The following RNGTT variants were observed in gnomAD, a reference collection of about 807,000 sequenced individuals.
RNGTT encodes mRNA-capping enzyme.
A neutral mutation model predicts 79.3 loss-of-function variants in RNGTT; 33 were observed. That is an observed-to-expected ratio of 0.42 (90% CI 0.32 to 0.56). The LOEUF is 0.56. Among genes scored for constraint, RNGTT ranks in the 20% least tolerant of loss-of-function variants. The pLI is 0.17. For missense variants in RNGTT, 497 were observed against 739.1 expected (o/e 0.67, Z 3.80); for synonymous variants, 222 against 235.9 (o/e 0.94, Z 0.54).
chr6:88,854,822 G>A (rs762248766), intron 8 of RNGTT, among the ~76,000 whole-genome samples: 25 of 152,158 alleles, frequency 1.6e-4, no homozygotes, highest in Admixed American at 8.5e-4. Context: ...AATCAAGAAT[G>A]GAGTTCTATT....
At chr6:88,725,575 G>T (rs1776865891) in intron 13 of RNGTT, among the ~76,000 whole-genome samples, 1 of 152,274 alleles carries the variant, frequency 6.6e-6, no homozygotes, top group South Asian at 2.1e-4. Context: ...CTCCATTCAG[G>T]AGGGGGTTGA....
intron 8 of RNGTT, among the ~76,000 whole-genome samples, chr6:88,879,476 T>A (rs1013758852): frequency 2.6e-5 from 4 of 152,284 alleles, no homozygotes; most frequent in Non-Finnish European, 5.9e-5. Flanking sequence ...ACACAACAAC[T>A]ATTTCTACAA....
intron 12 of RNGTT, among the ~76,000 whole-genome samples, chr6:88,781,319 C>T (rs956714456): frequency 2.0e-5 from 3 of 152,108 alleles, no homozygotes; most frequent in Non-Finnish European, 2.9e-5. Context: ...TCTATTATTT[C>T]CACTAGTAAA....
At chr6:88,919,247 A>C (rs1464950860) in intron 4 of RNGTT, among the ~76,000 whole-genome samples, 1 of 152,206 alleles carries the variant, frequency 6.6e-6, no homozygotes, top group Non-Finnish European at 1.5e-5. Flanking sequence ...GTGGTAAGTA[A>C]GCCACAGTTT....
At chr6:88,901,945 C>G (rs943814346) in intron 6 of RNGTT, among the ~76,000 whole-genome samples, 6 of 152,072 alleles carry the variant, frequency 3.9e-5, no homozygotes, top group Non-Finnish European at 8.8e-5. Context: ...GGAAAACTAT[C>G]CAAAATGGAA....
intron 14 of RNGTT, among the ~76,000 whole-genome samples, chr6:88,672,268 T>C (rs1418952962): frequency 6.6e-6 from 1 of 150,666 alleles, no homozygotes; most frequent in Non-Finnish European, 1.5e-5. Flanking sequence ...CACACACATA[T>C]ATATAAATGT....
chr6:88,769,941 A>T (rs992668182), intron 12 of RNGTT, 67 bp from the exon 13 acceptor site: 2 of 1,030,418 alleles, frequency 1.9e-6, no homozygotes, highest in Non-Finnish European at 1.4e-6. Flanking sequence ...AATGTATTAA[A>T]CCTAATGTAA....
rs750160602 is a variant in RNGTT, at chr6:88,612,780, A to G, written c.1733T>C (p.Leu578Pro). The G allele has an allele frequency of 9.9e-6, 16 of 1,613,394 alleles. No individual in the cohort carries two copies. In the African/African-American group the frequency reaches 1.7e-4, roughly 18 times the overall value. ...TGGCATGAGCTCCGTGTCAGGGTCC[A>G]GATGATGTTTTCGCTTCTGTCCTTG... ...ASQGQKRKHH[L>P]DPDTELMPPP... Residue 578 changes from leucine (L) to proline (P), a missense_variant, in exon 16 of 16, where the codon CTG becomes CCG. Physicochemically the swap from Leu to Pro is moderately conservative, Grantham distance 98. Coordinates refer to ENST00000369485, the MANE Select transcript of RNGTT (RefSeq NM_003800.5).
chr6:88,900,785 T>TA (rs1783426108), intron 6 of RNGTT, among the ~76,000 whole-genome samples: 1 of 128,454 alleles, frequency 7.8e-6, no homozygotes, highest in Non-Finnish European at 1.7e-5. Flanking sequence ...ATATCCAAAC[T>TA]AAAAAAATAA....
intron 13 of RNGTT, among the ~76,000 whole-genome samples, chr6:88,757,121 A>G (rs1778044961): frequency 6.6e-6 from 1 of 152,192 alleles, no homozygotes; most frequent in Non-Finnish European, 1.5e-5. Context: ...TATATCAGTT[A>G]CTGGTCCCTG....
chr6:88,676,516 T>C (rs1774882479), intron 14 of RNGTT, among the ~76,000 whole-genome samples: 2 of 152,128 alleles, frequency 1.3e-5, no homozygotes. Context: ...CTTTGTGACT[T>C]TGGGTTAGGA....
chr6:88,817,806 T>C (rs1317169631), intron 11 of RNGTT, among the ~76,000 whole-genome samples: 2 of 134,954 alleles, frequency 1.5e-5, no homozygotes, highest in African/African-American at 5.5e-5. Flanking sequence ...GTCTCCCAGG[T>C]TGGAGTGCAG....
At chr6:88,674,824 C>T (rs1774798651) in intron 14 of RNGTT, among the ~76,000 whole-genome samples, 1 of 152,030 alleles carries the variant, frequency 6.6e-6, no homozygotes. Context: ...TGGCCAGGTG[C>T]AGTGGCTCAT....
At chr6:88,925,453 T>G (rs367756063) in intron 4 of RNGTT, among the ~76,000 whole-genome samples, 22 of 151,812 alleles carry the variant, frequency 1.4e-4, no homozygotes, top group African/African-American at 5.3e-4. Flanking sequence ...TAGCAGGGTG[T>G]GGTGGTGCGC....
intron 13 of RNGTT, among the ~76,000 whole-genome samples, chr6:88,767,125 A>T (rs1778488497): frequency 6.6e-6 from 1 of 152,232 alleles, no homozygotes; most frequent in Non-Finnish European, 1.5e-5. Context: ...TTTCATATTA[A>T]ATATTCTATT....
rs560351426 is a variant in RNGTT at position 88,665,252 on chromosome 6, T to G, written c.1506+13101A>C. 4.6e-5 allele frequency among the ~76,000 whole-genome samples: 7 copies of G among 152,210 alleles called. No individual in the cohort carries two copies. The East Asian group carries it at 1.2e-3, about 25-fold the overall frequency. The stretch of plus-strand genomic sequence containing the variant: ...AAGTATGCGCAGAAGACAACCCTCC[T>G]GGATTGGCAGTCAATCAAGCTCCTG... On this transcript the variant is annotated intron_variant, in intron 14 of 15. Coordinates refer to ENST00000369485, the MANE Select transcript of RNGTT (RefSeq NM_003800.5).
chr6:88,742,979 G>A (rs1777544315), intron 13 of RNGTT, among the ~76,000 whole-genome samples: 1 of 152,152 alleles, frequency 6.6e-6, no homozygotes, highest in Non-Finnish European at 1.5e-5. Context: ...TGTCTCAGAA[G>A]AAATAGGCAT....
rs572076557 is a variant in RNGTT, at chr6:88,677,111, A to G, written c.1506+1242T>C. Among the ~76,000 whole-genome samples the G allele has an allele frequency of 7.2e-5, 11 of 152,320 alleles. No individual in the cohort carries two copies. In the South Asian group the frequency reaches 2.3e-3, roughly 32 times the overall value. On this transcript the variant is annotated intron_variant, in intron 14 of 15. Coordinates refer to ENST00000369485, the MANE Select transcript of RNGTT (RefSeq NM_003800.5). ...GATACTTGGCAACAAAAAATAATAA[A>G]CTAGCGATAAGTGCAATAATGTGGA...
intron 10 of RNGTT, among the ~76,000 whole-genome samples, chr6:88,849,111 G>C (rs150726304): frequency 6.6e-6 from 1 of 151,960 alleles, no homozygotes; most frequent in Non-Finnish European, 1.5e-5. Context: ...TCTAGTTATA[G>C]GCCAATGAAT....
Sources: allele counts gnomAD v4.1 joint callset (sites outside exome capture counted in the v4.1 genomes callset), GRCh38; gene constraint gnomAD v4.1.1; transcripts MANE v1.5; gene names NCBI Gene and HGNC (gene_info 2026-07-23, HGNC 2026-07-21).